Variants in PPP6R2 observed in about 807,000 individuals in gnomAD.
PPP6R2 encodes the protein protein phosphatase 6 regulatory subunit 2, also known as serine/threonine-protein phosphatase 6 regulatory subunit 2.
A neutral mutation model predicts 100.2 loss-of-function variants in PPP6R2; 62 were observed. The ratio of observed to expected loss-of-function variants is 0.62; its 90% confidence interval spans 0.50 to 0.76. PPP6R2 has a LOEUF of 0.76. Ranked by LOEUF, PPP6R2 falls within the 30% of genes least tolerant of loss-of-function variation. PPP6R2 has a pLI of 0.00. For synonymous variants in PPP6R2, 525 were observed against 514.7 expected (o/e 1.02, Z -0.27); for missense variants, 1,142 against 1,276.3 (o/e 0.89, Z 1.60).
intron 1 of PPP6R2, among the ~76,000 whole-genome samples, chr22:50,360,619 C>G (rs1379619577): frequency 6.6e-6 from 1 of 152,172 alleles, no homozygotes; most frequent in Non-Finnish European, 1.5e-5. Context: ...CTGCCTGGAC[C>G]TCCCAAAGCA....
intron 3 of PPP6R2, 44 bp downstream of exon 3, chr22:50,394,179 G>A (rs1325696702): frequency 6.2e-7 from 1 of 1,602,214 alleles, no homozygotes; most frequent in Non-Finnish European, 8.5e-7. Flanking sequence ...AGGCAGTGCT[G>A]CAGGCAGGCC....
At position 50,424,337 on chromosome 22, in the gene PPP6R2, G is replaced by A. The variant is rs1208284217; in HGVS notation, c.1125+723G>A. On this transcript the variant is annotated intron_variant, in intron 10 of 23. Coordinates refer to ENST00000612753, the MANE Select transcript of PPP6R2 (RefSeq NM_001242898.2). ...GGCTCAGTTCTGTCAGCGTGTGGAA[G>A]GTCTGTCCGCGTGTGGAAGGTCCGT... Among the ~76,000 whole-genome samples the A allele has an allele frequency of 4.0e-5, 5 of 126,522 alleles. No homozygotes were observed. The East Asian group carries it at 1.5e-3, about 38-fold the overall frequency. The allele number at this position is 126,522 out of a possible 152,430, so 83.0% of individuals were successfully genotyped here.
chr22:50,343,259 C>T (rs1271568488), upstream of PPP6R2: 2 of 150,208 alleles, frequency 1.3e-5, no homozygotes, highest in African/African-American at 2.4e-5. Flanking sequence ...CGCGGCCCCG[C>T]CCCCGGCCGC....
intron 19 of PPP6R2, among the ~76,000 whole-genome samples, chr22:50,439,172 C>T (rs2065046348): frequency 6.6e-6 from 1 of 152,238 alleles, no homozygotes; most frequent in South Asian, 2.1e-4. Flanking sequence ...GATGAGACCC[C>T]TCTCCTTACC....
chr22:50,432,803 T>C (rs1053958705), intron 12 of PPP6R2, among the ~76,000 whole-genome samples: 2 of 152,236 alleles, frequency 1.3e-5, no homozygotes, highest in African/African-American at 4.8e-5. Context: ...TGCTGGGAAC[T>C]GTCTGGCTCT....
chr22:50,370,481 G>GT (rs1423203531), intron 1 of PPP6R2, among the ~76,000 whole-genome samples: 1 of 151,516 alleles, frequency 6.6e-6, no homozygotes, highest in East Asian at 2.0e-4. Context: ...TAGAGATGGG[G>GT]TTTCACTATG....
intron 1 of PPP6R2, among the ~76,000 whole-genome samples, chr22:50,360,445 CTTG>C: frequency 6.6e-6 from 1 of 150,828 alleles, no homozygotes; most frequent in South Asian, 2.1e-4. Context: ...TCACTGCAGT[CTTG>C]AACTCTCAGG....
intron 10 of PPP6R2, among the ~76,000 whole-genome samples, chr22:50,427,870 G>C (rs2147992610): frequency 6.6e-6 from 1 of 152,326 alleles, no homozygotes; most frequent in Non-Finnish European, 1.5e-5. Flanking sequence ...ACAGGTGCCT[G>C]CTACCTCGCG....
intron 19 of PPP6R2, among the ~76,000 whole-genome samples, 183 bp downstream of exon 19, chr22:50,438,945 C>T (rs1027635496): frequency 2.0e-5 from 3 of 152,216 alleles, no homozygotes; most frequent in African/African-American, 7.2e-5. Flanking sequence ...CTGTGCCCAG[C>T]GCAAGGTGGC....
At chr22:50,399,424 A>G (rs1188437097) in intron 3 of PPP6R2, among the ~76,000 whole-genome samples, 1 of 152,244 alleles carries the variant, frequency 6.6e-6, no homozygotes, top group Admixed American at 6.5e-5. Flanking sequence ...ACAGAGCAGC[A>G]CCTGTGCTTC....
chr22:50,373,854 C>A (rs2050846940), intron 2 of PPP6R2, among the ~76,000 whole-genome samples: 1 of 152,124 alleles, frequency 6.6e-6, no homozygotes, highest in Non-Finnish European at 1.5e-5. Flanking sequence ...CTGCGTCAGC[C>A]TCCCGAATAG....
At chr22:50,374,781 G>C (rs926840738) in intron 2 of PPP6R2, among the ~76,000 whole-genome samples, 1 of 151,956 alleles carries the variant, frequency 6.6e-6, no homozygotes, top group East Asian at 1.9e-4. Context: ...GGGCGTGGTG[G>C]TGCGCGCCTG....
chr22:50,375,641 C>A (rs1000723206), intron 2 of PPP6R2, among the ~76,000 whole-genome samples: 2 of 151,960 alleles, frequency 1.3e-5, no homozygotes, highest in African/African-American at 4.8e-5. Flanking sequence ...GGAAAAAAAC[C>A]TGTTCCTGAG....
At chr22:50,432,162 C>G in intron 11 of PPP6R2, 103 bp from the exon 12 acceptor site, 1 of 1,074,426 alleles carries the variant, frequency 9.3e-7, no homozygotes, top group South Asian at 1.4e-5. Context: ...AAAGTCCACA[C>G]AGACGTGGCC....
At chr22:50,398,154 G>A (rs1028501727) in intron 3 of PPP6R2, among the ~76,000 whole-genome samples, 4 of 151,308 alleles carry the variant, frequency 2.6e-5, no homozygotes, top group Admixed American at 2.0e-4. Context: ...GCAATATAGC[G>A]AGACTCCATC....
intron 16 of PPP6R2, 28 bp downstream of exon 16, chr22:50,437,631 C>A (rs748173845): frequency 1.3e-6 from 2 of 1,550,118 alleles, no homozygotes; most frequent in Non-Finnish European, 8.9e-7. Flanking sequence ...GCACTCTGCA[C>A]GAGGCGCGGC....
At chr22:50,386,250 C>G (rs374529164) in intron 2 of PPP6R2, among the ~76,000 whole-genome samples, 1 of 152,016 alleles carries the variant, frequency 6.6e-6, no homozygotes, top group East Asian at 1.9e-4. Context: ...TCAAGCGATT[C>G]TCCTGCCTCA....
chr22:50,392,038 C>T (rs1221140219), intron 2 of PPP6R2: 1 of 151,540 alleles, frequency 6.6e-6, no homozygotes, highest in Non-Finnish European at 1.5e-5. Flanking sequence ...TCTGGTAGTG[C>T]ATTTCAGAGA....
chr22:50,337,338 T>C, the PPP6R2 span, among the ~76,000 whole-genome samples: 6 of 133,556 alleles, frequency 4.5e-5, no homozygotes, highest in Non-Finnish European at 6.3e-5. Context: ...GGTGTGTGTG[T>C]CTGCGATGTG....
Sources: gnomAD v4.1 joint callset for allele counts (sites outside exome capture counted in the v4.1 genomes callset) on GRCh38, gnomAD v4.1.1 for gene constraint, MANE v1.5 for transcripts, NCBI Gene and HGNC (gene_info 2026-07-23, HGNC 2026-07-21) for gene names.